The following SGCG variants were observed in gnomAD, a reference collection of about 807,000 sequenced individuals.
The protein encoded by SGCG is gamma-sarcoglycan.
Under a neutral mutation model 29.3 loss-of-function variants are expected in SGCG, and 26 were observed. The ratio of observed to expected loss-of-function variants is 0.89; its 90% CI spans 0.65 to 1.23. The LOEUF is 1.23. SGCG is among the 50% of genes most tolerant of loss of function. The pLI, the probability that SGCG is intolerant of heterozygous loss-of-function variation, is 0.00. For missense variants in SGCG, 353 were observed against 356.0 expected (o/e 0.99, Z 0.07); for synonymous variants, 145 against 129.7 (o/e 1.12, Z -0.80).
intron 3 of SGCG, among the ~76,000 whole-genome samples, chr13:23,250,229 T>A (rs181368330): frequency 6.6e-6 from 1 of 152,322 alleles, no homozygotes; most frequent in African/African-American, 2.4e-5. Flanking sequence ...AACACAAATG[T>A]ATTACAAAAA....
At chr13:23,206,108 T>A (rs977532635) in intron 2 of SGCG, among the ~76,000 whole-genome samples, 1 of 152,240 alleles carries the variant, frequency 6.6e-6, no homozygotes, top group East Asian at 1.9e-4. Context: ...CTTTAATTCT[T>A]ACTGATTTGA....
intron 6 of SGCG, among the ~76,000 whole-genome samples, chr13:23,308,887 T>A (rs1395468607): frequency 6.6e-6 from 1 of 152,168 alleles, no homozygotes. Context: ...AATTTTAAAA[T>A]CAATTTTTCA....
rs553220155 is a variant in SGCG at position 23,211,264 on chromosome 13, G to C, written c.195+7375G>C. ...ATCCGTGGGTAAGTAGATCCCTGGG[G>C]AAGGAGGAGAGGAGCCAGAAGCCTG... is the stretch of plus-strand genomic sequence containing the variant. On this transcript the variant is annotated intron_variant, in intron 2 of 7. Coordinates refer to ENST00000218867, the MANE Select transcript of SGCG (RefSeq NM_000231.3). 5.2e-4 allele frequency among the ~76,000 whole-genome samples: 79 copies of C among 152,284 alleles called. No homozygotes were observed. The South Asian group carries it at 7.7e-3, about 15-fold the overall frequency.
intron 2 of SGCG, among the ~76,000 whole-genome samples, chr13:23,225,759 G>C (rs1254268739): frequency 7.2e-6 from 1 of 138,446 alleles, no homozygotes; most frequent in East Asian, 2.0e-4. Flanking sequence ...CTGCTCCCAG[G>C]CCCTCTGAGA....
rs750873881 is a variant in SGCG, at chr13:23,324,486, T to C, written c.821T>C (p.Leu274Pro). The change falls in exon 8 of 8, where the codon CTG (leucine) becomes CCG (proline). Residue 274 changes from leucine (L) to proline (P), a missense_variant. By Grantham distance (98) the Leu-to-Pro change is moderately conservative. Coordinates refer to ENST00000218867, the MANE Select transcript of SGCG (RefSeq NM_000231.3). ...GTGTGTCCAGATGGGAAGCTGTACCTGTCTGTGGCCGGTGTGAGCACCACG... is the reference window on the plus strand; with the variant it reads ...GTGTGTCCAGATGGGAAGCTGTACCCGTCTGTGGCCGGTGTGAGCACCACG... ...ICVCPDGKLY[L>P]SVAGVSTTCQ... The C allele has an allele frequency of 1.9e-6, 3 of 1,613,686 alleles. No individual in the cohort carries two copies. Among genetic ancestry groups the C allele is most frequent in the Non-Finnish European group, 2.5e-6 (3 of 1,179,998 alleles).
intron 1 of SGCG, among the ~76,000 whole-genome samples, chr13:23,181,473 A>AT (rs1162269273): frequency 6.6e-6 from 1 of 152,158 alleles, no homozygotes; most frequent in East Asian, 1.9e-4. Context: ...TTTGCTTTAG[A>AT]TTTTCTTGAT....
rs138414815 is a variant in SGCG at position 23,193,879 on chromosome 13, T to C, written c.1-9816T>C. ...AGAACAGTTCAGGCAAAATCCACCA[T>C]TTAGAGGCCAGAGAAAAAGAGAAGA... On this transcript the variant is annotated intron_variant, in intron 1 of 7. Transcript: ENST00000218867. 2.5e-4 allele frequency among the ~76,000 whole-genome samples: 38 copies of C among 152,140 alleles called. No homozygotes were observed. The East Asian group carries it at 7.0e-3, about 28-fold the overall frequency.
At chr13:23,227,093 C>T (rs1049276629) in intron 2 of SGCG, among the ~76,000 whole-genome samples, 1 of 152,002 alleles carries the variant, frequency 6.6e-6, no homozygotes, top group Non-Finnish European at 1.5e-5. Flanking sequence ...ATGAATCCCC[C>T]TTGTTCCAAA....
At chr13:23,309,670 A>G (rs1471823196) in intron 6 of SGCG, among the ~76,000 whole-genome samples, 4 of 152,186 alleles carry the variant, frequency 2.6e-5, no homozygotes, top group African/African-American at 9.7e-5. Flanking sequence ...CTATTATCAA[A>G]TTAAGAAAGT....
At chr13:23,215,032 C>G (rs1878374018) in intron 2 of SGCG, among the ~76,000 whole-genome samples, 1 of 152,046 alleles carries the variant, frequency 6.6e-6, no homozygotes, top group South Asian at 2.1e-4. Flanking sequence ...ATTTTTATCC[C>G]AGGGATATGC....
chr13:23,194,182 G>T (rs1253354287), intron 1 of SGCG, among the ~76,000 whole-genome samples: 2 of 152,160 alleles, frequency 1.3e-5, no homozygotes, highest in East Asian at 3.9e-4. Context: ...TCTATCTAAA[G>T]ATTTGCCTGT....
intron 5 of SGCG, among the ~76,000 whole-genome samples, chr13:23,294,814 A>C (rs1173268556): frequency 1.3e-5 from 2 of 152,170 alleles, no homozygotes; most frequent in Non-Finnish European, 2.9e-5. Context: ...CAGGGGTCTG[A>C]GTATTAAACA....
chr13:23,213,247 G>A (rs942124367), intron 2 of SGCG, among the ~76,000 whole-genome samples: 4 of 152,190 alleles, frequency 2.6e-5, no homozygotes, highest in African/African-American at 9.7e-5. Flanking sequence ...GGACAAGGCA[G>A]GCAGATCACT....
chr13:23,240,007 T>C (rs1024399080), intron 3 of SGCG, among the ~76,000 whole-genome samples: 5 of 152,120 alleles, frequency 3.3e-5, no homozygotes, highest in African/African-American at 4.8e-5. Flanking sequence ...ACACCCCAAC[T>C]GAAAGACAGA....
chr13:23,309,431 A>G (rs1272318703), intron 6 of SGCG, among the ~76,000 whole-genome samples: 1 of 151,996 alleles, frequency 6.6e-6, no homozygotes, highest in Non-Finnish European at 1.5e-5. Flanking sequence ...TGATTGTAGA[A>G]CTCAACTGAT....
chr13:23,261,935 G>T (rs1199606655), intron 4 of SGCG, among the ~76,000 whole-genome samples: 1 of 152,146 alleles, frequency 6.6e-6, no homozygotes, highest in East Asian at 1.9e-4. Flanking sequence ...GAAAAATAAA[G>T]TCTTTATCAG....
chr13:23,252,001 TC>T (rs1879987386), intron 4 of SGCG, among the ~76,000 whole-genome samples: 2 of 152,220 alleles, frequency 1.3e-5, no homozygotes, highest in Admixed American at 1.3e-4. Flanking sequence ...TACTTTATCC[TC>T]TGCTTTATAA....
At chr13:23,314,826 C>T (rs1463711635) in intron 6 of SGCG, among the ~76,000 whole-genome samples, 1 of 152,150 alleles carries the variant, frequency 6.6e-6, no homozygotes, top group Non-Finnish European at 1.5e-5. Context: ...GCATTTGGCC[C>T]CACCTGCAAC....
At chr13:23,257,058 A>G (rs1229080728) in intron 4 of SGCG, among the ~76,000 whole-genome samples, 1 of 152,146 alleles carries the variant, frequency 6.6e-6, no homozygotes, top group Non-Finnish European at 1.5e-5. Context: ...CTGACTTGTT[A>G]GTGATCGCCA....
Sources: gnomAD v4.1 joint callset for allele counts (sites outside exome capture counted in the v4.1 genomes callset) on GRCh38, gnomAD v4.1.1 for gene constraint, MANE v1.5 for transcripts, NCBI Gene and HGNC (gene_info 2026-07-23, HGNC 2026-07-21) for gene names.